RBM10: variants seen among roughly 807,000 people sequenced by gnomAD.
The protein encoded by RBM10 is RNA binding motif protein 10.
Under a neutral mutation model 84.9 loss-of-function variants are expected in RBM10, and 1 was observed. The ratio of observed to expected loss-of-function variants is 0.01; its 90% CI spans 0.00 to 0.06. RBM10 has a LOEUF of 0.06. Ranked by LOEUF, RBM10 falls within the 10% of genes least tolerant of loss-of-function variation. The probability of loss-of-function intolerance (pLI) is 1.00; values close to 1 mark genes in which losing one functional copy is unlikely to be tolerated. For missense variants in RBM10, 438 were observed against 839.0 expected, an observed-to-expected ratio of 0.52 and a Z score of 5.90; for synonymous variants, 326 against 344.5, an observed-to-expected ratio of 0.95 and a Z score of 0.60.
At chrX:47,178,231 C>T (rs1418198543) in intron 7 of RBM10, among the ~76,000 whole-genome samples, 14 of 111,649 alleles carry the variant, frequency 1.3e-4, no homozygotes, top group South Asian at 1.1e-3. Context: ...CTTCCTTCCC[C>T]GGCCTTGGCT....
At chrX:47,149,330 CTGTT>C (rs1199855160) in intron 2 of RBM10, among the ~76,000 whole-genome samples, 2 of 105,557 alleles carry the variant, frequency 1.9e-5, no homozygotes, top group Non-Finnish European at 3.9e-5. Context: ...GCCAACAGTG[CTGTT>C]TTTTTTTGTT....
At chrX:47,168,111 G>A (rs1602547069) in intron 2 of RBM10, among the ~76,000 whole-genome samples, 1 of 111,721 alleles carries the variant, frequency 9.0e-6, no homozygotes. Context: ...AACATATATT[G>A]GTTGCTCTTA....
intron 7 of RBM10, among the ~76,000 whole-genome samples, chrX:47,177,606 A>C (rs782141219): frequency 9.2e-6 from 1 of 108,197 alleles, no homozygotes; most frequent in Non-Finnish European, 1.9e-5. Context: ...GATAGCCTCA[A>C]AACCAGGGAA....
At chrX:47,173,931 C>CTCTCTCTCTT (rs1934896684) in intron 5 of RBM10, among the ~76,000 whole-genome samples, 1 of 85,653 alleles carries the variant, frequency 1.2e-5, no homozygotes, top group Non-Finnish European at 2.4e-5. Flanking sequence ...CTCTCTCTCT[C>CTCTCTCTCTT]TCTTTCTCCC....
chrX:47,149,286 G>A (rs1173871459), intron 2 of RBM10, among the ~76,000 whole-genome samples: 1 of 111,685 alleles, frequency 9.0e-6, no homozygotes, highest in African/African-American at 3.3e-5. Flanking sequence ...GCCTCCCAAA[G>A]TGCTGGGATT....
intron 3 of RBM10, among the ~76,000 whole-genome samples, chrX:47,169,919 A>G (rs1201937108): frequency 1.8e-5 from 2 of 112,411 alleles, no homozygotes; most frequent in Non-Finnish European, 3.8e-5. Flanking sequence ...GAGGCCAGCC[A>G]TGGGCATTCC....
At position 47,147,351 on chromosome X, in the gene RBM10, C is replaced by A. The variant is rs1386142021; in HGVS notation, c.-125-6C>A. 2 of 1,188,182 alleles carry A rather than the reference C, an allele frequency of 1.7e-6. No individual in the cohort carries two copies. The highest frequency in any genetic ancestry group is 2.3e-6 in the Non-Finnish European group (2 of 883,379). Reference sequence around the variant, plus strand: ...TTGACCCCTTTCTTCCCTCCACTCTCCCCAGAGTCCCTGCAGGAAGCATCA... The same window carrying A: ...TTGACCCCTTTCTTCCCTCCACTCTACCCAGAGTCCCTGCAGGAAGCATCA... On this transcript the variant is annotated splice_polypyrimidine_tract_variant and splice_region_variant and intron_variant, in intron 1 of 23. Transcript: ENST00000377604.
intron 2 of RBM10, among the ~76,000 whole-genome samples, chrX:47,151,579 A>C (rs1556763671): frequency 8.9e-6 from 1 of 112,081 alleles, no homozygotes; most frequent in African/African-American, 3.2e-5. Context: ...ATTAAGATTT[A>C]CTTTGGCTGG....
intron 2 of RBM10, among the ~76,000 whole-genome samples, chrX:47,168,287 G>A (rs926690146): frequency 2.7e-5 from 3 of 111,721 alleles, no homozygotes; most frequent in South Asian, 3.7e-4. Flanking sequence ...AGTGGTGGAC[G>A]CCTGTAATCC....
intron 4 of RBM10, among the ~76,000 whole-genome samples, chrX:47,171,762 C>G (rs1413454454): frequency 1.8e-5 from 2 of 111,982 alleles, no homozygotes; most frequent in Non-Finnish European, 3.8e-5. Context: ...CCACGCCTGC[C>G]TCCCTTTCCT....
At chrX:47,179,608 C>A in intron 9 of RBM10, 113 bp downstream of exon 9, 1 of 896,207 alleles carries the variant, frequency 1.1e-6, no homozygotes, top group South Asian at 2.2e-5. Flanking sequence ...CCACTTGGTG[C>A]GGGGATAGAC....
intron 21 of RBM10, 97 bp downstream of exon 21, chrX:47,185,887 C>T (rs1289077783): frequency 1.7e-5 from 20 of 1,170,715 alleles, no homozygotes; most frequent in Admixed American, 2.5e-5. Context: ...GTGTTAACCC[C>T]GTGAGCCTTC....
intron 7 of RBM10, among the ~76,000 whole-genome samples, chrX:47,178,154 G>A (rs1326212837): frequency 2.7e-5 from 3 of 111,012 alleles, no homozygotes; most frequent in Non-Finnish European, 5.7e-5. Context: ...GACTACCCAC[G>A]CCTCTCCTCC....
chrX:47,178,359 C>T (rs782445706), intron 7 of RBM10, among the ~76,000 whole-genome samples: 18 of 111,714 alleles, frequency 1.6e-4, no homozygotes, highest in Non-Finnish European at 3.4e-4. Context: ...CAGGTCAAAC[C>T]TCCCTGCTTC....
chrX:47,157,771 G>T, intron 2 of RBM10: 1 of 405,763 alleles, frequency 2.5e-6, no homozygotes, highest in Non-Finnish European at 4.3e-6. Flanking sequence ...CTGAGGTTCA[G>T]CTGCATGACT....
At chrX:47,162,501 A>G (rs1428607929) in intron 2 of RBM10, among the ~76,000 whole-genome samples, 2 of 111,863 alleles carry the variant, frequency 1.8e-5, no homozygotes, top group Non-Finnish European at 3.8e-5. Context: ...CAAATAATGT[A>G]GATACTCCCT....
rs1556783113 is a variant in RBM10 at position 47,186,779 on chromosome X, C to T, written c.*180C>T. On this transcript the variant is annotated 3_prime_UTR_variant, in exon 24 of 24. Transcript: ENST00000377604. Reference sequence around the variant, plus strand: ...TTGTTGGAAAATTGGGCTGGGATCACGTCCTGTTTTGTAATAAAAGCTGAA... The same window carrying T: ...TTGTTGGAAAATTGGGCTGGGATCATGTCCTGTTTTGTAATAAAAGCTGAA... 7.1e-6 allele frequency: 4 copies of T among 561,707 alleles called. No individual in the cohort carries two copies. Among genetic ancestry groups the T allele is most frequent in the South Asian group, 2.7e-5 (1 of 36,593 alleles). 46.3% of individuals were successfully genotyped at this position (561,707 alleles called of 1,213,427 possible). A position where few individuals can be genotyped will look rare whatever the true frequency, so the allele number is the denominator to read the frequency against.
At chrX:47,166,026 TA>T (rs1207042384) in intron 2 of RBM10, among the ~76,000 whole-genome samples, 15 of 103,446 alleles carry the variant, frequency 1.5e-4, no homozygotes, top group South Asian at 4.2e-4. Flanking sequence ...TCTCAAAATT[TA>T]AAAAAAAAAG....
chrX:47,157,141 G>C (rs1382500127), intron 2 of RBM10: 1 of 249,745 alleles, frequency 4.0e-6, no homozygotes, highest in Non-Finnish European at 7.6e-6. Flanking sequence ...CAGACCCCTT[G>C]ATCTTGTCCA....
Sources: gnomAD v4.1 joint callset for allele counts (sites outside exome capture counted in the v4.1 genomes callset) on GRCh38, gnomAD v4.1.1 for gene constraint, MANE v1.5 for transcripts, NCBI Gene and HGNC (gene_info 2026-07-23, HGNC 2026-07-21) for gene names.